The following HERPUD1 variants were observed in gnomAD, a reference collection of about 807,000 sequenced individuals.
HERPUD1 encodes homocysteine inducible ER protein with ubiquitin like domain 1.
HERPUD1 carries 17 observed loss-of-function variants against 45.0 expected under a neutral mutation model. The ratio of observed to expected loss-of-function variants is 0.38; its 90% CI spans 0.26 to 0.57. The LOEUF is 0.57. Among genes scored for constraint, HERPUD1 ranks in the 20% least tolerant of loss-of-function variants. The pLI, the probability that HERPUD1 is intolerant of heterozygous loss-of-function variation, is 0.72. For missense variants in HERPUD1, 420 were observed against 490.5 expected (o/e 0.86, Z 1.36); for synonymous variants, 164 against 177.5 (o/e 0.92, Z 0.61).
chr16:56,936,503 A>G lies in HERPUD1; in HGVS notation c.301-184A>G, dbSNP rs139810858. The G allele has an allele frequency of 5.5e-3, 2,178 of 399,264 alleles. 44 individuals are homozygous for G. The highest frequency in any genetic ancestry group is 0.041 in the African/African-American group (1,970 of 48,420). 24.7% of individuals were successfully genotyped at this position (399,264 alleles called of 1,614,324 possible). ...AATATGAATATTTTAGCATCTATGT[A>G]TTGAAAATTATGTTGAATAAATGTC... On this transcript the variant is annotated intron_variant, in intron 3 of 7. Coordinates refer to ENST00000439977, the MANE Select transcript of HERPUD1 (RefSeq NM_014685.4).
In HERPUD1 at chr16:56,943,628, A is replaced by C. The variant is rs2055929109; in HGVS notation, c.*338A>C. The C allele has an allele frequency of 9.3e-6, 4 of 431,552 alleles. No individual in the cohort carries two copies. In the East Asian group the frequency reaches 1.6e-4, roughly 17 times the overall value. 26.7% of individuals were successfully genotyped at this position (431,552 alleles called of 1,614,324 possible). A position where few individuals can be genotyped will look rare whatever the true frequency, so the allele number is the denominator to read the frequency against. ...TGTGTCTGCATGTGTGTTTGTACAT[A>C]GAAGTCATAGATGCAGAAGTGGTTC... On this transcript the variant is annotated 3_prime_UTR_variant, in exon 8 of 8. Coordinates refer to ENST00000439977, the MANE Select transcript of HERPUD1 (RefSeq NM_014685.4).
intron 1 of HERPUD1, chr16:56,933,200 T>A: frequency 2.2e-6 from 1 of 451,354 alleles, no homozygotes; most frequent in South Asian, 1.6e-5. Context: ...ACGAGCATAA[T>A]TCTTCATCAC....
Position 56,932,363 on chromosome 16 carries a change from A to G in HERPUD1, c.119A>G (p.His40Arg). 6.3e-7 allele frequency: 1 copy of G among 1,595,508 alleles called. No individual in the cohort carries two copies. The highest frequency in any genetic ancestry group is 1.1e-5 in the South Asian group (1 of 89,734). Residue 40 changes from histidine to arginine, a missense_variant, in exon 1 of 8, where the codon CAC becomes CGC. By Grantham distance (29) the His-to-Arg change is conservative. Transcript: ENST00000439977. Reference protein sequence around the residue: ...RGWSVGHLKAHLSRVYPERPR... With the variant: ...RGWSVGHLKARLSRVYPERPR... Reference sequence around the variant, plus strand: ...TGGAGTGTGGGCCACCTCAAGGCCCACCTGAGCCGCGTCTACCCCGAGCGT... The same window carrying G: ...TGGAGTGTGGGCCACCTCAAGGCCCGCCTGAGCCGCGTCTACCCCGAGCGT...
At chr16:56,939,625 A>T (rs1202224082) in intron 5 of HERPUD1, among the ~76,000 whole-genome samples, 1 of 152,154 alleles carries the variant, frequency 6.6e-6, no homozygotes, top group Non-Finnish European at 1.5e-5. Flanking sequence ...GCTATCTTCA[A>T]AGTTTTGTGA....
rs765160992 is a variant in HERPUD1, at chr16:56,942,235, C to G, written c.1009C>G (p.Gln337Glu). The part of the protein sequence containing the change: ...VVNQDPNNNL[Q>E]EGTDPETEDP... Reference sequence around the variant, plus strand: ...AAATCAGGACCCCAACAATAACTTACAGGTATGGAGCCTCCCACGAAGCCC... The same window carrying G: ...AAATCAGGACCCCAACAATAACTTAGAGGTATGGAGCCTCCCACGAAGCCC... The change falls in exon 7 of 8, where the codon CAG (glutamine) becomes GAG (glutamate). Residue 337 changes from glutamine to glutamate, a missense_variant and splice_region_variant. Coordinates refer to ENST00000439977, the MANE Select transcript of HERPUD1 (RefSeq NM_014685.4). 1.2e-6 allele frequency: 2 copies of G among 1,609,216 alleles called. No homozygotes were observed. Among genetic ancestry groups the G allele is most frequent in the Non-Finnish European group, 8.5e-7 (1 of 1,175,502 alleles).
intron 1 of HERPUD1, 162 bp from the exon 2 acceptor site, chr16:56,935,073 T>C (rs2055855574): frequency 1.7e-6 from 1 of 603,936 alleles, no homozygotes; most frequent in Non-Finnish European, 3.0e-6. Flanking sequence ...AGACACTTTC[T>C]AAATAGAAGT....
intron 7 of HERPUD1, 22 bp downstream of exon 7, chr16:56,942,259 C>G: frequency 6.4e-7 from 1 of 1,553,566 alleles, no homozygotes; most frequent in Admixed American, 1.7e-5. Context: ...CCCACGAAGC[C>G]CAGGCGAGCT....
chr16:56,942,210 A>G lies in HERPUD1; in HGVS notation c.984A>G (p.Val328=). Residue 328 remains valine, a synonymous_variant, in exon 7 of 8, where the codon GTA becomes GTG. Transcript: ENST00000439977. Reference sequence around the variant, plus strand: ...ATGATGGTCCTCCTCCTGACGTTGTAAATCAGGACCCCAACAATAACTTAC... The same window carrying G: ...ATGATGGTCCTCCTCCTGACGTTGTGAATCAGGACCCCAACAATAACTTAC... ...FPNDGPPPDV[V]NQDPNNNLQE... is the part of the protein sequence containing the mutation. 6.2e-7 allele frequency: 1 copy of G among 1,614,050 alleles called. No individual in the cohort carries two copies. Among genetic ancestry groups the G allele is most frequent in the South Asian group, 1.1e-5 (1 of 91,084 alleles).
chr16:56,940,124 C>A lies in HERPUD1; in HGVS notation c.784C>A (p.Arg262=), dbSNP rs1237792036. 1 of 1,614,042 alleles carries A rather than the reference C, an allele frequency of 6.2e-7. No homozygotes were observed. Among genetic ancestry groups the A allele is most frequent in the Non-Finnish European group, 8.5e-7 (1 of 1,180,012 alleles). ...TGTGGAAGAAGATGATGAAATAAATCGAGATTGGTTGGATTGGACCTATTC... is the reference window on the plus strand; with the variant it reads ...TGTGGAAGAAGATGATGAAATAAATAGAGATTGGTTGGATTGGACCTATTC... ...PIVEEDDEIN[R]DWLDWTYSAA... Residue 262 remains arginine (R), a synonymous_variant, in exon 6 of 8, where the codon CGA becomes AGA. Transcript: ENST00000439977.
chr16:56,938,313 C>T (rs941715975), intron 4 of HERPUD1, among the ~76,000 whole-genome samples: 4 of 152,150 alleles, frequency 2.6e-5, no homozygotes, highest in Non-Finnish European at 5.9e-5. Flanking sequence ...CCTGTAATCC[C>T]AGCACTTTGG....
intron 6 of HERPUD1, 187 bp from the exon 7 acceptor site, chr16:56,941,945 C>T (rs948219707): frequency 5.4e-6 from 3 of 556,384 alleles, no homozygotes; most frequent in African/African-American, 3.8e-5. Context: ...AACACAGTCC[C>T]TGCCTTCAAG....
At chr16:56,941,707 CA>C (rs1208592325) in intron 6 of HERPUD1, 1 of 152,438 alleles carries the variant, frequency 6.6e-6, no homozygotes, top group African/African-American at 2.4e-5. Flanking sequence ...TTGGTTTCTT[CA>C]AATAAAACGT....
Position 56,940,027 on chromosome 16 carries a change from T to C in HERPUD1, c.687T>C (p.Asn229=). 4 of 1,614,258 alleles carry C rather than the reference T, an allele frequency of 2.5e-6. No homozygotes were observed. Among genetic ancestry groups the C allele is most frequent in the Non-Finnish European group, 3.4e-6 (4 of 1,180,048 alleles). The change falls in exon 6 of 8, where the codon AAT becomes AAC. Residue 229 remains asparagine, a synonymous_variant. Transcript: ENST00000439977. ...FPAENQPANQ[N]AAPQVVVNPG... ...CTGAAAACCAGCCTGCCAATCAGAATGCTGCTCCTCAAGTGGTTGTTAATC... is the reference window on the plus strand; with the variant it reads ...CTGAAAACCAGCCTGCCAATCAGAACGCTGCTCCTCAAGTGGTTGTTAATC...
chr16:56,942,386 T>A (rs1182356131), intron 7 of HERPUD1, 149 bp downstream of exon 7: 18 of 605,426 alleles, frequency 3.0e-5, no homozygotes, highest in Non-Finnish European at 5.9e-6. Context: ...GAGCAGCAGC[T>A]ATTTTTAAAA....
chr16:56,939,431 T>C (rs1596981100), intron 5 of HERPUD1, 72 bp downstream of exon 5: 14 of 1,582,532 alleles, frequency 8.8e-6, no homozygotes, highest in South Asian at 1.1e-5. Flanking sequence ...CCATGTTACC[T>C]GTAAAGTTCA....
Position 56,936,755 on chromosome 16 carries a change from T to G in HERPUD1, c.369T>G (p.Asp123Glu). 1 of 1,614,114 alleles carries G rather than the reference T, an allele frequency of 6.2e-7. No individual in the cohort carries two copies. Among genetic ancestry groups the G allele is most frequent in the Middle Eastern group, 1.6e-4 (1 of 6,062 alleles). Reference protein sequence around the residue: ...RGQYPEDSSSDGLRQREVLRN... With the variant: ...RGQYPEDSSSEGLRQREVLRN... ...AGTATCCTGAGGATTCCTCAAGTGA[T>G]GGTTTAAGGCAAAGGGAAGTTCTTC... is the stretch of plus-strand genomic sequence containing the variant. Residue 123 changes from aspartate (D) to glutamate (E), a missense_variant, in exon 4 of 8, where the codon GAT (aspartate) becomes GAG (glutamate). By Grantham distance (45) the Asp-to-Glu change is conservative. Transcript: ENST00000439977.
At position 56,932,153 on chromosome 16, in the gene HERPUD1, G is replaced by T; in HGVS notation, c.-92G>T. On this transcript the variant is annotated 5_prime_UTR_variant, in exon 1 of 8. Transcript: ENST00000439977. ...AAGCGGGGGCGCGCGCCCCAGAGAC[G>T]TGAACTGTCGTTGCAGAGATTGCGG... 2 of 1,548,230 alleles carry T rather than the reference G, an allele frequency of 1.3e-6. No individual in the cohort carries two copies. The highest frequency in any genetic ancestry group is 8.7e-7 in the Non-Finnish European group (1 of 1,153,682).
rs556990342 is a variant in HERPUD1, at chr16:56,943,477, T to A, written c.*187T>A. ...GTGATACAAATTGGTGAACAAAAAA[T>A]GCCCAAGGCTTCTCATGTCTTTATT... is the stretch of plus-strand genomic sequence containing the variant. On this transcript the variant is annotated 3_prime_UTR_variant, in exon 8 of 8. Coordinates refer to ENST00000439977, the MANE Select transcript of HERPUD1 (RefSeq NM_014685.4). 7 of 694,756 alleles carry A rather than the reference T, an allele frequency of 1.0e-5. No homozygotes were observed. Among genetic ancestry groups the A allele is most frequent in the East Asian group, 2.7e-5 (1 of 37,138 alleles). The allele number at this position is 694,756 out of a possible 1,614,324, so 43.0% of individuals were successfully genotyped here.
Position 56,936,752 on chromosome 16 carries a change from T to C in HERPUD1, c.366T>C (p.Ser122=), listed in dbSNP as rs2055869596. 5 of 1,614,100 alleles carry C rather than the reference T, an allele frequency of 3.1e-6. No homozygotes were observed. Among genetic ancestry groups the C allele is most frequent in the Non-Finnish European group, 3.4e-6 (4 of 1,179,974 alleles). ...GACAGTATCCTGAGGATTCCTCAAG[T>C]GATGGTTTAAGGCAAAGGGAAGTTC... The part of the protein sequence containing the change: ...NRGQYPEDSS[S]DGLRQREVLR... The change falls in exon 4 of 8, where the codon AGT becomes AGC. Residue 122 remains serine (S), a synonymous_variant. Coordinates refer to ENST00000439977, the MANE Select transcript of HERPUD1 (RefSeq NM_014685.4).
Sources: allele counts gnomAD v4.1 joint callset (sites outside exome capture counted in the v4.1 genomes callset), GRCh38; gene constraint gnomAD v4.1.1; transcripts MANE v1.5; gene names NCBI Gene and HGNC (gene_info 2026-07-23, HGNC 2026-07-21).